Variants in ST7L observed in about 807,000 individuals in gnomAD.
ST7L encodes suppressor of tumorigenicity 7 protein-like.
A neutral mutation model predicts 72.5 loss-of-function variants in ST7L; 57 were observed. The ratio of observed to expected loss-of-function variants is 0.79; its 90% CI spans 0.64 to 0.98. The LOEUF (loss-of-function observed/expected upper bound fraction) is 0.98, where lower values mean the gene tolerates loss of function less well. Ranked by LOEUF, ST7L falls within the 50% of genes least tolerant of loss-of-function variation. The pLI, the probability that ST7L is intolerant of heterozygous loss-of-function variation, is 0.00. For synonymous variants in ST7L, 221 were observed against 240.9 expected (o/e 0.92, Z 0.77); for missense variants, 576 against 672.2 (o/e 0.86, Z 1.58).
At chr1:112,591,491 A>G in intron 6 of ST7L, 34 bp downstream of exon 6, 1 of 1,580,178 alleles carries the variant, frequency 6.3e-7, no homozygotes, top group Non-Finnish European at 8.6e-7. Context: ...GTTTCCTTCA[A>G]AATAAATTTA....
intron 14 of ST7L, chr1:112,527,330 C>T (rs538934643): frequency 6.6e-6 from 1 of 152,562 alleles, no homozygotes; most frequent in South Asian, 2.1e-4. Flanking sequence ...TCAGGACTTC[C>T]CCAAGGCAGA....
intron 11 of ST7L, among the ~76,000 whole-genome samples, chr1:112,560,351 G>C (rs534542934): frequency 6.6e-6 from 1 of 152,072 alleles, no homozygotes; most frequent in Non-Finnish European, 1.5e-5. Context: ...CCAAGATCGC[G>C]CCACTGCACT....
At chr1:112,535,394 T>TAATAAG (rs536130871) in intron 14 of ST7L, among the ~76,000 whole-genome samples, 22 of 149,214 alleles carry the variant, frequency 1.5e-4, no homozygotes, top group African/African-American at 2.9e-4. Flanking sequence ...CTAATAATAA[T>TAATAAG]AAGAAGAAGA....
chr1:112,543,980 T>C (rs1656647734), intron 13 of ST7L, among the ~76,000 whole-genome samples: 1 of 152,176 alleles, frequency 6.6e-6, no homozygotes, highest in Non-Finnish European at 1.5e-5. Context: ...TACTCAGCTA[T>C]TATTTTTCTA....
At chr1:112,593,102 A>T (rs1174355594) in intron 5 of ST7L, among the ~76,000 whole-genome samples, 1 of 152,166 alleles carries the variant, frequency 6.6e-6, no homozygotes, top group African/African-American at 2.4e-5. Flanking sequence ...TAACATCTGA[A>T]ACTTATTTTC....
intron 13 of ST7L, among the ~76,000 whole-genome samples, chr1:112,549,720 A>G (rs1657782412): frequency 6.6e-6 from 1 of 152,200 alleles, no homozygotes; most frequent in Admixed American, 6.5e-5. Flanking sequence ...ATAGAAGATC[A>G]TGTCACCTTT....
At chr1:112,583,899 T>C (rs996070033) in intron 7 of ST7L, 73 bp downstream of exon 7, 3 of 1,502,914 alleles carry the variant, frequency 2.0e-6, no homozygotes, top group Non-Finnish European at 2.7e-6. Flanking sequence ...TTTTTTATTA[T>C]TGTTGTTTGT....
chr1:112,551,959 C>A (rs945553284), intron 12 of ST7L, among the ~76,000 whole-genome samples: 6 of 152,284 alleles, frequency 3.9e-5, no homozygotes, highest in African/African-American at 1.2e-4. Flanking sequence ...GCTATACATA[C>A]GTTTAAGAAA....
chr1:112,567,805 C>G (rs1001355356), intron 11 of ST7L, among the ~76,000 whole-genome samples: 2 of 151,962 alleles, frequency 1.3e-5, no homozygotes, highest in Admixed American at 6.6e-5. Flanking sequence ...TATGTGGATC[C>G]ATTCTGTGAT....
chr1:112,576,768 A>G (rs1459683441), intron 11 of ST7L, among the ~76,000 whole-genome samples: 1 of 152,254 alleles, frequency 6.6e-6, no homozygotes, highest in Non-Finnish European at 1.5e-5. Context: ...TTATATTTTG[A>G]TAGTAATTAC....
downstream of ST7L, chr1:112,522,911 C>G (rs1186983185): frequency 2.0e-5 from 3 of 152,116 alleles, no homozygotes; most frequent in African/African-American, 4.8e-5. Context: ...GGGAAGAGAA[C>G]AGCTGACATC....
At chr1:112,550,832 A>G (rs1657997615) in intron 12 of ST7L, 139 bp from the exon 13 acceptor site, 4 of 619,224 alleles carry the variant, frequency 6.5e-6, no homozygotes, top group Non-Finnish European at 1.1e-5. Context: ...CAAAGTAAGC[A>G]AAATAATAAA....
chr1:112,542,797 G>C (rs1656351331), intron 13 of ST7L, among the ~76,000 whole-genome samples: 1 of 150,980 alleles, frequency 6.6e-6, no homozygotes, highest in Non-Finnish European at 1.5e-5. Context: ...ATACATTTGA[G>C]TTGCTACTTT....
chr1:112,551,512 A>G (rs776491291), intron 12 of ST7L, among the ~76,000 whole-genome samples: 1 of 152,232 alleles, frequency 6.6e-6, no homozygotes, highest in Non-Finnish European at 1.5e-5. Context: ...GGTCTGGCCC[A>G]CTATGATTTT....
chr1:112,602,239 A>G (rs142736179), intron 3 of ST7L, among the ~76,000 whole-genome samples: 1 of 152,218 alleles, frequency 6.6e-6, no homozygotes, highest in Non-Finnish European at 1.5e-5. Context: ...TGTTTAGATC[A>G]GCAGTTCTCA....
intron 11 of ST7L, among the ~76,000 whole-genome samples, chr1:112,568,243 C>T (rs969367511): frequency 7.3e-5 from 11 of 151,520 alleles, no homozygotes; most frequent in Non-Finnish European, 1.2e-4. Context: ...GGTGAAAATA[C>T]ATGTAATAGT....
downstream of ST7L, among the ~76,000 whole-genome samples, chr1:112,519,448 A>C (rs1652737354): frequency 6.6e-6 from 1 of 152,142 alleles, no homozygotes; most frequent in African/African-American, 2.4e-5. Flanking sequence ...ACCATGGAAA[A>C]GCTTGGAGTA....
Position 112,604,240 on chromosome 1 carries a change from C to T in ST7L, c.452-3392G>A, listed in dbSNP as rs190380780. Among the ~76,000 whole-genome samples the T allele has an allele frequency of 2.6e-3, 390 of 152,100 alleles. 7 individuals carry two copies. Among genetic ancestry groups the T allele is most frequent in the East Asian group, 3.3e-3 (17 of 5,154 alleles). On this transcript the variant is annotated intron_variant, in intron 3 of 14. Transcript: ENST00000358039. ...ACAAGAATTGCTTGAACTTGGAAGG[C>T]GGAGGTTGCAGTGAGCCGAAATGGT...
intron 3 of ST7L, among the ~76,000 whole-genome samples, chr1:112,609,466 G>T (rs1003138748): frequency 6.6e-6 from 1 of 151,702 alleles, no homozygotes; most frequent in African/African-American, 2.4e-5. Flanking sequence ...AGGAGGCAGA[G>T]GTCGCAGTGA....
Sources: gnomAD v4.1 joint callset for allele counts (sites outside exome capture counted in the v4.1 genomes callset) on GRCh38, gnomAD v4.1.1 for gene constraint, MANE v1.5 for transcripts, NCBI Gene and HGNC (gene_info 2026-07-23, HGNC 2026-07-21) for gene names.